Variants in RDH13 observed in about 807,000 individuals in gnomAD.
RDH13 encodes retinol dehydrogenase 13.
In RDH13, 35 loss-of-function variants were observed where a neutral mutation model predicts 28.3. That is an observed-to-expected ratio of 1.24 (90% CI 0.95 to 1.64). RDH13 has a LOEUF of 1.64. Among genes scored for constraint, RDH13 ranks in the 40% most tolerant of loss-of-function variants. The pLI is 0.00. For synonymous variants in RDH13, 229 were observed against 198.5 expected (o/e 1.15, Z -1.29); for missense variants, 514 against 446.3 (o/e 1.15, Z -1.37).
At chr19:55,060,263 C>T (rs976127298) in intron 1 of RDH13, among the ~76,000 whole-genome samples, 9 of 152,080 alleles carry the variant, frequency 5.9e-5, no homozygotes, top group Non-Finnish European at 8.8e-5. Context: ...AATTCTGAGA[C>T]AGGAGAAAAG....
chr19:55,067,691 T>G (rs1292694317), upstream of RDH13: 2 of 152,234 alleles, frequency 1.3e-5, no homozygotes, highest in Non-Finnish European at 2.9e-5. Flanking sequence ...ATTTCTTCTT[T>G]TCTGGCTGAG....
At chr19:55,042,368 A>C (rs1420618336), downstream of RDH13, 5 of 152,214 alleles carry the variant, frequency 3.3e-5, no homozygotes, top group Admixed American at 6.5e-5. Context: ...AACATGTTAC[A>C]GCCAGGAGCG....
intron 1 of RDH13, among the ~76,000 whole-genome samples, chr19:55,061,689 G>A (rs1333828483): frequency 6.6e-6 from 1 of 151,972 alleles, no homozygotes; most frequent in Non-Finnish European, 1.5e-5. Flanking sequence ...CTACTCGGGA[G>A]GCTGAAGTGG....
chr19:55,045,345 G>C (rs770840620), intron 6 of RDH13, 36 bp from the exon 7 acceptor site: 9 of 1,529,890 alleles, frequency 5.9e-6, no homozygotes, highest in African/African-American at 4.1e-5. Context: ...GTCCACACTC[G>C]CTCAGAGAGA....
chr19:55,042,993 G>A (rs1044028293), downstream of RDH13: 15 of 152,242 alleles, frequency 9.9e-5, no homozygotes, highest in African/African-American at 3.1e-4. Context: ...GAAGCCAGTC[G>A]CTACATCTCC....
upstream of RDH13, among the ~76,000 whole-genome samples, chr19:55,066,724 TG>T (rs1194659211): frequency 5.9e-5 from 9 of 151,428 alleles, no homozygotes; most frequent in Non-Finnish European, 1.5e-5. Context: ...TTCTTGTGTG[TG>T]TCTCTCTCTC....
upstream of RDH13, among the ~76,000 whole-genome samples, chr19:55,064,706 A>AG (rs1292820487): frequency 6.7e-6 from 1 of 148,762 alleles, no homozygotes; most frequent in African/African-American, 2.5e-5. Context: ...TCTGCCTCCT[A>AG]GGTTCAAGCG....
chr19:55,068,253 C>T (rs537791231), intron 1 of RDH13, among the ~76,000 whole-genome samples: 4 of 152,166 alleles, frequency 2.6e-5, no homozygotes, highest in African/African-American at 7.2e-5. Flanking sequence ...AGCTACTCCA[C>T]GGCCTGGCAC....
upstream of RDH13, among the ~76,000 whole-genome samples, chr19:55,065,739 TGA>T (rs1175053329): frequency 6.6e-6 from 1 of 150,626 alleles, no homozygotes; most frequent in Non-Finnish European, 1.5e-5. Context: ...AGCTCCTGTT[TGA>T]GAGTCTCTCT....
upstream of RDH13, chr19:55,063,317 A>G (rs1007275338): frequency 8.0e-6 from 3 of 375,634 alleles, no homozygotes; most frequent in East Asian, 3.9e-5. Flanking sequence ...GGCGGGGCCT[A>G]TGGTTTGTTC....
intron 6 of RDH13, among the ~76,000 whole-genome samples, chr19:55,046,258 A>ATT (rs1177555091): frequency 6.7e-5 from 9 of 134,910 alleles, no homozygotes; most frequent in Non-Finnish European, 1.6e-5. Context: ...AAAAAAAAAG[A>ATT]CATTTATTTA....
upstream of RDH13, among the ~76,000 whole-genome samples, chr19:55,065,117 G>A (rs1007949485): frequency 1.4e-4 from 21 of 151,014 alleles, 1 homozygote; most frequent in Admixed American, 9.5e-4. Context: ...TGGGCATGGT[G>A]GCTCATGCCT....
chr19:55,045,245 G>A lies in RDH13; in HGVS notation c.825C>T (p.Ala275=), dbSNP rs201027856. 55 of 1,613,364 alleles carry A rather than the reference G, an allele frequency of 3.4e-5. No homozygotes were observed. In the African/African-American group the frequency reaches 3.5e-4, roughly 10 times the overall value. The part of the protein sequence containing the change: ...ELAAQPSTYL[A]VAEELADVSG... ...AAACATCCGCCAGTTCCTCCGCCAC[G>A]GCCAGGTATGTGCTGGGCTGGGCGG... Residue 275 remains alanine, a synonymous_variant, in exon 7 of 7, where the codon GCC becomes GCT. Transcript: ENST00000415061.
chr19:55,042,130 T>C (rs1325209883), downstream of RDH13: 1 of 113,780 alleles, frequency 8.8e-6, no homozygotes, highest in African/African-American at 3.6e-5. Flanking sequence ...TGTTTGGGGT[T>C]TGCTGGCTGG....
At chr19:55,062,838 G>C (rs1451575034) in intron 1 of RDH13, 130 bp downstream of exon 1, 1 of 783,694 alleles carries the variant, frequency 1.3e-6, no homozygotes, top group East Asian at 3.4e-5. Context: ...GCCCCACTCC[G>C]GGCGGGCACT....
upstream of RDH13, among the ~76,000 whole-genome samples, chr19:55,066,045 C>T (rs1398811373): frequency 6.6e-6 from 1 of 152,138 alleles, no homozygotes; most frequent in Non-Finnish European, 1.5e-5. Context: ...GGAAGGATGG[C>T]ATGAAGTCAT....
chr19:55,051,255 G>A (rs1208353920), intron 3 of RDH13, among the ~76,000 whole-genome samples: 2 of 152,092 alleles, frequency 1.3e-5, no homozygotes, highest in African/African-American at 2.4e-5. Flanking sequence ...AGGAGGTGAC[G>A]CAGAAACTGG....
chr19:55,052,353 T>C (rs1355991574), intron 3 of RDH13, among the ~76,000 whole-genome samples: 1 of 149,914 alleles, frequency 6.7e-6, no homozygotes, highest in East Asian at 2.0e-4. Context: ...GGTTGCAGCC[T>C]GACCAACAGG....
chr19:55,053,676 C>G (rs2147034309), intron 3 of RDH13: 1 of 149,800 alleles, frequency 6.7e-6, no homozygotes, highest in Admixed American at 6.7e-5. Flanking sequence ...AAAAACCCCT[C>G]TAGAGAATCC....
Sources: allele counts gnomAD v4.1 joint callset (sites outside exome capture counted in the v4.1 genomes callset), GRCh38; gene constraint gnomAD v4.1.1; transcripts MANE v1.5; gene names NCBI Gene and HGNC (gene_info 2026-07-23, HGNC 2026-07-21).